The following MORN1 variants were observed in gnomAD, a reference collection of about 807,000 sequenced individuals.
MORN1 encodes MORN repeat containing 1.
In MORN1, 67 loss-of-function variants were observed where a neutral mutation model predicts 61.9. The ratio of observed to expected loss-of-function variants is 1.08; its 90% CI spans 0.89 to 1.33. MORN1 has a LOEUF of 1.33. Among genes scored for constraint, MORN1 ranks in the 40% most tolerant of loss-of-function variants. The probability of loss-of-function intolerance (pLI) is 0.00; values close to 1 mark genes in which losing one functional copy is unlikely to be tolerated. For synonymous variants in MORN1, 301 were observed against 292.0 expected, an observed-to-expected ratio of 1.03 and a Z score of -0.31; for missense variants, 752 against 691.2, an observed-to-expected ratio of 1.09 and a Z score of -0.99.
chr1:2,342,670 C>T (rs1249674407), intron 10 of MORN1, among the ~76,000 whole-genome samples: 1 of 152,050 alleles, frequency 6.6e-6, no homozygotes, highest in Non-Finnish European at 1.5e-5. Flanking sequence ...TCCCACACCG[C>T]AGACATGGCT....
At chr1:2,379,463 G>C (rs1274098490) in intron 6 of MORN1, among the ~76,000 whole-genome samples, 3 of 152,194 alleles carry the variant, frequency 2.0e-5, no homozygotes, top group African/African-American at 7.2e-5. Flanking sequence ...GATGGTTTAA[G>C]CTCCCAGGGA....
At chr1:2,340,214 G>A (rs1641366347) in intron 10 of MORN1, among the ~76,000 whole-genome samples, 1 of 152,052 alleles carries the variant, frequency 6.6e-6, no homozygotes, top group Non-Finnish European at 1.5e-5. Flanking sequence ...ACCCCTCTTT[G>A]GGTGGTCACC....
intron 12 of MORN1, chr1:2,332,788 G>C (rs758936315): frequency 2.2e-6 from 1 of 454,324 alleles, no homozygotes; most frequent in South Asian, 1.6e-5. Context: ...AGTGAGTGAG[G>C]CTTTGGGGCT....
At chr1:2,332,639 G>A (rs1432248922) in intron 12 of MORN1, 2 of 456,454 alleles carry the variant, frequency 4.4e-6, no homozygotes, top group East Asian at 1.4e-4. Flanking sequence ...TCTGGACATG[G>A]AAGGGGTCAC....
chr1:2,365,828 C>T (rs1193695512), intron 8 of MORN1, among the ~76,000 whole-genome samples: 3 of 151,434 alleles, frequency 2.0e-5, no homozygotes, highest in Non-Finnish European at 4.4e-5. Flanking sequence ...CAGGAAACAA[C>T]AGGTGCTGGA....
intron 12 of MORN1, chr1:2,332,488 C>G: frequency 2.5e-6 from 1 of 396,458 alleles, no homozygotes; most frequent in South Asian, 1.8e-5. Flanking sequence ...TTGTCCCCCT[C>G]GGCAGTTCTG....
At chr1:2,358,358 A>C (rs1191651146) in intron 9 of MORN1, among the ~76,000 whole-genome samples, 1 of 151,998 alleles carries the variant, frequency 6.6e-6, no homozygotes, top group African/African-American at 2.4e-5. Flanking sequence ...GCGCTGGGGG[A>C]GACTAGGGGC....
intron 10 of MORN1, among the ~76,000 whole-genome samples, chr1:2,353,002 G>C (rs1641684329): frequency 6.6e-6 from 1 of 152,208 alleles, no homozygotes; most frequent in South Asian, 2.1e-4. Context: ...CCCTCTCCCA[G>C]GTAAGCACAG....
In MORN1 at chr1:2,324,274, C is replaced by T. The variant is rs983384942; in HGVS notation, c.1251-131G>A. 19 of 904,950 alleles carry T rather than the reference C, an allele frequency of 2.1e-5. 1 individual carries two copies. Among genetic ancestry groups the T allele is most frequent in the Admixed American group, 7.4e-5 (3 of 40,596 alleles). The allele number at this position is 904,950 out of a possible 1,614,324, so 56.1% of individuals were successfully genotyped here. ...CCCAGCACAGCAGAGGCCTGCGAACCCCACCTCGGGGCCATGGGCAGGACG... is the reference window on the plus strand; with the variant it reads ...CCCAGCACAGCAGAGGCCTGCGAACTCCACCTCGGGGCCATGGGCAGGACG... On this transcript the variant is annotated intron_variant, in intron 12 of 13. Coordinates refer to ENST00000378531, the MANE Select transcript of MORN1 (RefSeq NM_024848.3).
chr1:2,374,891 TTG>T (rs1400948823), intron 6 of MORN1: 1 of 256,766 alleles, frequency 3.9e-6, no homozygotes, highest in Non-Finnish European at 7.6e-6. Flanking sequence ...TACAAAGATA[TTG>T]TGTTTGTGGC....
intron 10 of MORN1, among the ~76,000 whole-genome samples, chr1:2,342,867 A>ATTTATTTTATTTTATTTTAT (rs1553211058): frequency 2.0e-5 from 2 of 101,126 alleles, no homozygotes; most frequent in East Asian, 2.5e-4. Flanking sequence ...ATTTTATTTT[A>ATTTATTTTATTTTATTTTAT]TTTATTTTAT....
intron 4 of MORN1, chr1:2,387,174 C>T (rs1182030745): frequency 1.8e-6 from 1 of 558,092 alleles, no homozygotes; most frequent in Non-Finnish European, 3.2e-6. Flanking sequence ...CCACGGGCGT[C>T]TGTTCCGCGG....
chr1:2,374,621 G>C, intron 6 of MORN1, 64 bp from the exon 7 acceptor site: 1 of 1,399,408 alleles, frequency 7.1e-7, no homozygotes, highest in Non-Finnish European at 9.9e-7. Flanking sequence ...GTCCCCGCAT[G>C]GCACTGCAGC....
At chr1:2,325,110 T>TCCC (rs1640977982) in intron 12 of MORN1, among the ~76,000 whole-genome samples, 1 of 45,928 alleles carries the variant, frequency 2.2e-5, no homozygotes, top group East Asian at 9.8e-4. Flanking sequence ...TCCCCTTTCC[T>TCCC]TCCCTTCCTT....
At position 2,336,571 on chromosome 1, in the gene MORN1, G is replaced by A. The variant is rs763334063; in HGVS notation, c.1171-23C>T. ...CTTCTAGAAAGATTGGGCAGGAGGA[G>A]GGGAGAAGGAAAGGCTCAGAAGGTG... is the stretch of plus-strand genomic sequence containing the variant. On this transcript the variant is annotated intron_variant, in intron 11 of 13. Transcript: ENST00000378531. 65 of 1,611,686 alleles carry A rather than the reference G, an allele frequency of 4.0e-5. No individual in the cohort carries two copies. In the Admixed American group the frequency reaches 1.1e-3, roughly 26 times the overall value.
chr1:2,349,419 C>T (rs1353699673), intron 10 of MORN1, among the ~76,000 whole-genome samples: 2 of 152,186 alleles, frequency 1.3e-5, no homozygotes, highest in African/African-American at 2.4e-5. Flanking sequence ...CCTCTGACAT[C>T]CCTGCTTAGT....
rs906865704 is a variant in MORN1, at chr1:2,337,318, G to A, written c.1037-468C>T. On this transcript the variant is annotated intron_variant, in intron 10 of 13. Coordinates refer to ENST00000378531, the MANE Select transcript of MORN1 (RefSeq NM_024848.3). The surrounding 1 kb of genome is among the most constrained non-coding windows in gnomAD (Gnocchi z 5.7). ...CCCATCAAGATGGACCTGGCGTCAG[G>A]ACCCGTTCTCCACAGGCGTGGAGGG... Among the ~76,000 whole-genome samples the A allele has an allele frequency of 5.3e-5, 8 of 152,186 alleles. No homozygotes were observed. Among genetic ancestry groups the A allele is most frequent in the Non-Finnish European group, 8.8e-5 (6 of 68,022 alleles).
chr1:2,362,865 A>C (rs984171916), intron 8 of MORN1, among the ~76,000 whole-genome samples: 3 of 151,390 alleles, frequency 2.0e-5, no homozygotes, highest in Admixed American at 6.6e-5. Flanking sequence ...CTCCATCTCA[A>C]AAAAAAAAGA....
chr1:2,384,053 T>G (rs148328212), intron 6 of MORN1, among the ~76,000 whole-genome samples: 2 of 152,360 alleles, frequency 1.3e-5, no homozygotes, highest in Admixed American at 6.5e-5. Context: ...TCCTTGTTGG[T>G]GACTCTTTCA....
Sources: gnomAD v4.1 joint callset for allele counts (sites outside exome capture counted in the v4.1 genomes callset) on GRCh38, gnomAD v4.1.1 for gene constraint, Gnocchi (gnomAD v3.1) non-coding constraint, MANE v1.5 for transcripts, NCBI Gene and HGNC (gene_info 2026-07-23, HGNC 2026-07-21) for gene names.